Variants in AKT2 observed in about 807,000 individuals in gnomAD.
AKT2 encodes the protein AKT serine/threonine kinase 2.
AKT2 carries 16 observed loss-of-function variants against 58.6 expected under a neutral mutation model. The ratio of observed to expected loss-of-function variants is 0.27; its 90% CI spans 0.18 to 0.41. The LOEUF (loss-of-function observed/expected upper bound fraction) is 0.41, where lower values mean the gene tolerates loss of function less well. AKT2 is among the 10% of genes least tolerant of loss of function. AKT2 has a pLI of 1.00. For synonymous variants in AKT2, 253 were observed against 254.0 expected, an observed-to-expected ratio of 1.00 and a Z score of 0.04; for missense variants, 438 against 661.0, an observed-to-expected ratio of 0.66 and a Z score of 3.70.
chr19:40,245,184 G>A (rs67511714), intron 4 of AKT2, among the ~76,000 whole-genome samples: 3,703 of 152,238 alleles, frequency 0.024, 141 homozygotes, highest in African/African-American at 0.08. Context: ...TGCAGCTGGG[G>A]GAAAGATTGA....
chr19:40,268,699 A>AG (rs749377733), intron 1 of AKT2: 1 of 152,636 alleles, frequency 6.6e-6, no homozygotes, highest in Non-Finnish European at 1.5e-5. Context: ...GAGGGAGAGC[A>AG]GGGGGAGGAG....
intron 1 of AKT2, among the ~76,000 whole-genome samples, chr19:40,273,929 C>A (rs1351028037): frequency 2.0e-5 from 3 of 152,278 alleles, no homozygotes; most frequent in Non-Finnish European, 1.5e-5. Context: ...TCTGCCTTGG[C>A]CCCGCCTGCT....
intron 2 of AKT2, 42 bp downstream of exon 2, chr19:40,265,180 A>G: frequency 6.2e-7 from 1 of 1,603,432 alleles, no homozygotes; most frequent in Middle Eastern, 1.7e-4. Flanking sequence ...AGGAGGAGCC[A>G]GCGTGGGAGA....
intron 2 of AKT2, among the ~76,000 whole-genome samples, chr19:40,257,648 G>A (rs1392302212): frequency 6.6e-6 from 1 of 150,662 alleles, no homozygotes; most frequent in African/African-American, 2.5e-5. Flanking sequence ...AGCTGCTAAG[G>A]ATTAAAAGGA....
At chr19:40,258,926 A>T (rs1233344893) in intron 2 of AKT2, among the ~76,000 whole-genome samples, 2 of 152,198 alleles carry the variant, frequency 1.3e-5, no homozygotes, top group Admixed American at 6.5e-5. Flanking sequence ...ATTCACATGG[A>T]ATTTCAAAGG....
At position 40,279,580 on chromosome 19, in the gene AKT2, G is replaced by A. The variant is rs557572527; in HGVS notation, c.-85+5601C>T. The A allele has an allele frequency of 2.0e-5, 3 of 151,304 alleles. No individual in the cohort carries two copies. In the East Asian group the frequency reaches 5.9e-4, roughly 30 times the overall value. The allele number at this position is 151,304 out of a possible 1,614,324, so 9.4% of individuals were successfully genotyped here. Reference sequence around the variant, plus strand: ...CTTTCCATCCCAACCCATCCCGGGGGCCTTCTGGAGACCCTAGTGGTTTGT... The same window carrying A: ...CTTTCCATCCCAACCCATCCCGGGGACCTTCTGGAGACCCTAGTGGTTTGT... On this transcript the variant is annotated intron_variant, in intron 1 of 13. Coordinates refer to ENST00000392038, the MANE Select transcript of AKT2 (RefSeq NM_001626.6).
chr19:40,267,123 T>A (rs1011333548), intron 1 of AKT2, among the ~76,000 whole-genome samples: 1 of 151,724 alleles, frequency 6.6e-6, no homozygotes, highest in East Asian at 1.9e-4. Flanking sequence ...CCACTCTTGC[T>A]CCCTCCCACT....
Position 40,234,059 on chromosome 19 carries a change from C to A in AKT2, c.1367-108G>T, listed in dbSNP as rs1973861563. On this transcript the variant is annotated intron_variant, in intron 13 of 13. Coordinates refer to ENST00000392038, the MANE Select transcript of AKT2 (RefSeq NM_001626.6). The surrounding 1 kb of genome is among the most constrained non-coding windows in gnomAD (Gnocchi z 4.7). ...CAGCTGGCGGGGGCTGCCCACAGGACAGGACAGGAAAGGCCCATCCCTCCG... is the reference window on the plus strand; with the variant it reads ...CAGCTGGCGGGGGCTGCCCACAGGAAAGGACAGGAAAGGCCCATCCCTCCG... The A allele has an allele frequency of 8.6e-7, 1 of 1,156,982 alleles. No individual in the cohort carries two copies. Among genetic ancestry groups the A allele is most frequent in the East Asian group, 2.5e-5 (1 of 39,298 alleles). 71.7% of individuals were successfully genotyped at this position (1,156,982 alleles called of 1,614,324 possible).
chr19:40,249,608 C>G (rs990493142), intron 4 of AKT2, among the ~76,000 whole-genome samples: 7 of 152,216 alleles, frequency 4.6e-5, no homozygotes, highest in African/African-American at 1.4e-4. Context: ...CTCCCCTAAC[C>G]ATCACCTCCC....
At chr19:40,239,256 G>T in intron 7 of AKT2, 1 of 389,730 alleles carries the variant, frequency 2.6e-6, no homozygotes, top group East Asian at 4.3e-5. Flanking sequence ...AGCAACCATG[G>T]CTCTTGTTTT....
At chr19:40,241,896 GC>G (rs748358467) in intron 6 of AKT2, 41 bp downstream of exon 6, 18 of 1,612,986 alleles carry the variant, frequency 1.1e-5, no homozygotes, top group Non-Finnish European at 1.5e-5. Flanking sequence ...CCAGACCGCA[GC>G]CCCCACAGAG....
intron 2 of AKT2, 135 bp from the exon 3 acceptor site, chr19:40,257,189 G>T: frequency 8.3e-7 from 1 of 1,206,332 alleles, no homozygotes. Flanking sequence ...GGACACACGA[G>T]AATGCCTCTC....
Position 40,241,933 on chromosome 19 carries a change from C to A in AKT2, c.573+5G>T, listed in dbSNP as rs372096668. On this transcript the variant is annotated splice_donor_5th_base_variant and intron_variant, in intron 6 of 13. Transcript: ENST00000392038. ...GCTCGCGAGCGCAATTCCCGGGGCA[C>A]GCACCTTGGCAATGATGACTTCCTT... The A allele has an allele frequency of 6.2e-7, 1 of 1,613,750 alleles. No individual in the cohort carries two copies. The highest frequency in any genetic ancestry group is 8.5e-7 in the Non-Finnish European group (1 of 1,180,020).
chr19:40,282,623 C>T (rs1209331884), intron 1 of AKT2: 2 of 443,876 alleles, frequency 4.5e-6, no homozygotes, highest in Non-Finnish European at 4.7e-6. Flanking sequence ...TATCCTATGT[C>T]TTTCCTTCCT....
intron 1 of AKT2, chr19:40,274,897 G>A (rs1389546682): frequency 1.7e-5 from 6 of 361,530 alleles, no homozygotes; most frequent in Admixed American, 3.6e-5. Context: ...GAGCTGGGGA[G>A]TGGGGGAGGG....
Position 40,235,765 on chromosome 19 carries a change from G to T in AKT2, c.1175+125C>A, listed in dbSNP as rs578163958. ...AGTGCCACTGTGGACGTTTTCAGGG[G>T]CTGTGTGGGGACGACACACTGCGAC... On this transcript the variant is annotated intron_variant, in intron 11 of 13. Coordinates refer to ENST00000392038, the MANE Select transcript of AKT2 (RefSeq NM_001626.6). This position sits in a 1 kb window ranked among gnomAD's most constrained non-coding sequence, Gnocchi z 6.3. 9.9e-7 allele frequency: 1 copy of T among 1,005,940 alleles called. No individual in the cohort carries two copies. Among genetic ancestry groups the T allele is most frequent in the Non-Finnish European group, 1.4e-6 (1 of 699,378 alleles). The allele number at this position is 1,005,940 out of a possible 1,614,324, so 62.3% of individuals were successfully genotyped here.
intron 2 of AKT2, among the ~76,000 whole-genome samples, chr19:40,257,738 C>T (rs1032215823): frequency 6.6e-6 from 1 of 152,122 alleles, no homozygotes; most frequent in African/African-American, 2.4e-5. Context: ...CGAGTGGAAA[C>T]GACCCTAATG....
intron 1 of AKT2, chr19:40,282,800 A>G (rs901423043): frequency 4.6e-5 from 14 of 306,134 alleles, no homozygotes; most frequent in African/African-American, 2.9e-4. Flanking sequence ...CACAAATACC[A>G]TATAAAGCCC....
chr19:40,232,118 G>A lies in AKT2; in HGVS notation c.*1754C>T, dbSNP rs1042374100. 1.3e-5 allele frequency: 3 copies of A among 233,336 alleles called. No individual in the cohort carries two copies. Among genetic ancestry groups the A allele is most frequent in the African/African-American group, 2.2e-5 (1 of 45,154 alleles). 14.5% of individuals were successfully genotyped at this position (233,336 alleles called of 1,614,324 possible). On this transcript the variant is annotated 3_prime_UTR_variant, in exon 14 of 14. Transcript: ENST00000392038. Reference sequence around the variant, plus strand: ...TCCACCCCACCCCCACATGCGGGGAGCCTTCCCATACCCCTCAGCCCCACA... The same window carrying A: ...TCCACCCCACCCCCACATGCGGGGAACCTTCCCATACCCCTCAGCCCCACA...
Sources: gnomAD v4.1 joint callset for allele counts (sites outside exome capture counted in the v4.1 genomes callset) on GRCh38, gnomAD v4.1.1 for gene constraint, Gnocchi (gnomAD v3.1) non-coding constraint, MANE v1.5 for transcripts, NCBI Gene and HGNC (gene_info 2026-07-23, HGNC 2026-07-21) for gene names.